NKTR: variants seen among roughly 807,000 people sequenced by gnomAD.
NKTR encodes NK-tumor recognition protein.
NKTR carries 67 observed loss-of-function variants against 156.3 expected under a neutral mutation model. The ratio of observed to expected loss-of-function variants is 0.43; its 90% confidence interval spans 0.35 to 0.53. The LOEUF (loss-of-function observed/expected upper bound fraction) is 0.53. NKTR is among the 20% of genes least tolerant of loss of function. The pLI, the probability that NKTR is intolerant of heterozygous loss-of-function variation, is 0.01. For missense variants in NKTR, 1,604 were observed against 1,730.9 expected, an observed-to-expected ratio of 0.93 and a Z score of 1.30; for synonymous variants, 640 against 596.6, an observed-to-expected ratio of 1.07 and a Z score of -1.06.
chr3:42,631,096 TAC>T lies in NKTR; in HGVS notation c.405-73_405-72del, dbSNP rs1318712954. 17 of 1,561,840 alleles carry T rather than the reference TAC, an allele frequency of 1.1e-5. No individual in the cohort carries two copies. The East Asian group carries it at 3.8e-4, about 35-fold the overall frequency. On this transcript the variant is annotated intron_variant, in intron 7 of 16. Coordinates refer to ENST00000232978, the MANE Select transcript of NKTR (RefSeq NM_005385.4). ...TCAGGTCTGTGGACATGTCATTGAT[TAC>T]AGTTAATTGTCTTGATTACTGTTTA...
chr3:42,633,522 C>T (rs567849187), intron 9 of NKTR, 58 bp from the exon 10 acceptor site: 23 of 1,562,640 alleles, frequency 1.5e-5, no homozygotes, highest in Non-Finnish European at 1.7e-5. Flanking sequence ...ATTTTATGTG[C>T]TTTTATTATG....
rs1278491051 is a variant in NKTR at position 42,616,114 on chromosome 3, AC to A, written c.59-1455del. Among the ~76,000 whole-genome samples, 3 of 152,230 alleles carry A rather than the reference AC, an allele frequency of 2.0e-5. No individual in the cohort carries two copies. The East Asian group carries it at 5.8e-4, about 29-fold the overall frequency. On this transcript the variant is annotated intron_variant, in intron 2 of 16. Coordinates refer to ENST00000232978, the MANE Select transcript of NKTR (RefSeq NM_005385.4). ...AATGCAGTATCATTGTTTCCTCCTCACAGGAACTGACCGATATGGCCAGGAA... is the reference window on the plus strand; with the variant it reads ...AATGCAGTATCATTGTTTCCTCCTCAAGGAACTGACCGATATGGCCAGGAA...
At chr3:42,615,545 G>T (rs1707277614) in intron 2 of NKTR, among the ~76,000 whole-genome samples, 1 of 151,980 alleles carries the variant, frequency 6.6e-6, no homozygotes, top group African/African-American at 2.4e-5. Flanking sequence ...TTGAAACTTT[G>T]AACAGCTTTC....
intron 6 of NKTR, chr3:42,629,422 A>G: frequency 1.1e-6 from 1 of 944,766 alleles, no homozygotes; most frequent in Non-Finnish European, 1.3e-6. Context: ...TCTTAATGTA[A>G]GTATAAGCAT....
chr3:42,637,253 GACTCAT>G lies in NKTR; in HGVS notation c.1552_1557del (p.Ser518_Tyr519del), dbSNP rs1300895718. 1 of 1,613,436 alleles carries G rather than the reference GACTCAT, an allele frequency of 6.2e-7. No individual in the cohort carries two copies. The highest frequency in any genetic ancestry group is 1.3e-5 in the African/African-American group (1 of 74,964). On this transcript the variant is annotated inframe_deletion, in exon 13 of 17. Transcript: ENST00000232978. ...GAGCTCTTTAACCCATTCCAGCAGA[GACTCAT>G]ACAGATCAAAATCTCACTCACAGTC...
Position 42,646,559 on chromosome 3 carries a change from C to T in NKTR, c.*584C>T, listed in dbSNP as rs2125830915. The T allele has an allele frequency of 6.5e-6, 1 of 152,992 alleles. No homozygotes were observed. Among genetic ancestry groups the T allele is most frequent in the South Asian group, 2.1e-4 (1 of 4,834 alleles). 9.5% of individuals were successfully genotyped at this position (152,992 alleles called of 1,614,324 possible). On this transcript the variant is annotated 3_prime_UTR_variant, in exon 17 of 17. Coordinates refer to ENST00000232978, the MANE Select transcript of NKTR (RefSeq NM_005385.4). ...GATTAGGAAAGTGGTCATCATACATCCCACACAGTCTGTATTACTTCAGGC... is the reference window on the plus strand; with the variant it reads ...GATTAGGAAAGTGGTCATCATACATTCCACACAGTCTGTATTACTTCAGGC...
intron 2 of NKTR, among the ~76,000 whole-genome samples, chr3:42,608,640 A>T (rs187670189): frequency 3.5e-4 from 54 of 152,186 alleles, no homozygotes; most frequent in Admixed American, 5.9e-4. Context: ...TCAATTATTA[A>T]CTGAATCTCC....
intron 6 of NKTR, among the ~76,000 whole-genome samples, chr3:42,625,345 A>C (rs1708275859): frequency 6.6e-6 from 1 of 152,148 alleles, no homozygotes; most frequent in Admixed American, 6.6e-5. Flanking sequence ...AATGTAAGAA[A>C]ACAAGATAAT....
chr3:42,631,554 G>A (rs934300940), intron 8 of NKTR, among the ~76,000 whole-genome samples: 3 of 152,134 alleles, frequency 2.0e-5, no homozygotes, highest in Non-Finnish European at 2.9e-5. Context: ...CCGTAGCGTC[G>A]TAACTGTTTA....
intron 2 of NKTR, among the ~76,000 whole-genome samples, chr3:42,608,890 C>T (rs1706495396): frequency 6.6e-6 from 1 of 152,040 alleles, no homozygotes; most frequent in South Asian, 2.1e-4. Flanking sequence ...CTTTGGGAGG[C>T]CGAGGCAGGC....
intron 9 of NKTR, 67 bp from the exon 10 acceptor site, chr3:42,633,513 T>C: frequency 6.4e-7 from 1 of 1,555,782 alleles, no homozygotes; most frequent in Non-Finnish European, 8.7e-7. Context: ...TAGTAACTAA[T>C]TTTATGTGCT....
chr3:42,630,478 C>T lies in NKTR; in HGVS notation c.375-68C>T, dbSNP rs372137910. 1.1e-3 allele frequency: 1,733 copies of T among 1,604,500 alleles called. 1 individual carries two copies. Among genetic ancestry groups the T allele is most frequent in the Non-Finnish European group, 1.3e-3 (1,556 of 1,176,000 alleles). On this transcript the variant is annotated intron_variant, in intron 6 of 16. Coordinates refer to ENST00000232978, the MANE Select transcript of NKTR (RefSeq NM_005385.4). Reference sequence around the variant, plus strand: ...TTGTTCTCTACATGCTGTGTTTAAACCTTTCTGCTCTCTTCACCTGAACAC... The same window carrying T: ...TTGTTCTCTACATGCTGTGTTTAAATCTTTCTGCTCTCTTCACCTGAACAC...
At position 42,646,426 on chromosome 3, in the gene NKTR, T is replaced by C. The variant is rs558302681; in HGVS notation, c.*451T>C. 1.3e-5 allele frequency: 2 copies of C among 156,708 alleles called. No homozygotes were observed. The highest frequency in any genetic ancestry group is 2.4e-5 in the African/African-American group (1 of 41,604). The allele number at this position is 156,708 out of a possible 1,614,324, so 9.7% of individuals were successfully genotyped here. A position where few individuals can be genotyped will look rare whatever the true frequency, so the allele number is the denominator to read the frequency against. On this transcript the variant is annotated 3_prime_UTR_variant, in exon 17 of 17. Transcript: ENST00000232978. ...CTGATTACATAGAGTCTTGTACATA[T>C]GTGCTCTAAAAACAAACCACCCAGA...
chr3:42,624,744 G>A (rs960277556), intron 6 of NKTR, among the ~76,000 whole-genome samples: 1 of 152,004 alleles, frequency 6.6e-6, no homozygotes. Flanking sequence ...TTTTAGTTAA[G>A]GATTAGAAGC....
chr3:42,633,865 T>G, intron 10 of NKTR, 130 bp downstream of exon 10: 1 of 972,796 alleles, frequency 1.0e-6, no homozygotes, highest in Non-Finnish European at 1.6e-6. Flanking sequence ...TATGGGAGTA[T>G]TAGATTAATG....
In NKTR at chr3:42,600,980, C is replaced by G; in HGVS notation, c.-23-4C>G. 1 of 1,533,898 alleles carries G rather than the reference C, an allele frequency of 6.5e-7. No homozygotes were observed. The highest frequency in any genetic ancestry group is 8.8e-7 in the Non-Finnish European group (1 of 1,140,078). On this transcript the variant is annotated splice_polypyrimidine_tract_variant and splice_region_variant and intron_variant, in intron 1 of 16. Coordinates refer to ENST00000232978, the MANE Select transcript of NKTR (RefSeq NM_005385.4). ...CTGACCGCTTTTCTCCCCCTCTCTC[C>G]CAGCTCTTGCCGCCACCTCGGTCGC...
rs1010775482 is a variant in NKTR, at chr3:42,638,946, A to G, written c.3242A>G (p.Gln1081Arg). The G allele has an allele frequency of 6.2e-7, 1 of 1,613,512 alleles. No individual in the cohort carries two copies. The highest frequency in any genetic ancestry group is 1.7e-5 in the Admixed American group (1 of 59,986). ...DTVTVSSDLD[Q>R]FTKDDSKLSI... ...GTGACTGTTTCATCAGATCTTGATCAGTTTACTAAAGATGATAGTAAACTC... is the reference window on the plus strand; with the variant it reads ...GTGACTGTTTCATCAGATCTTGATCGGTTTACTAAAGATGATAGTAAACTC... Residue 1081 changes from glutamine (Q) to arginine (R), a missense_variant, in exon 13 of 17, where the codon CAG (glutamine) becomes CGG (arginine). Around this residue, in one of 6 missense-constraint regions of NKTR, gnomAD observed 1,255 missense variants for 1,243.7 expected, o/e 1.01. Coordinates refer to ENST00000232978, the MANE Select transcript of NKTR (RefSeq NM_005385.4).
intron 3 of NKTR, among the ~76,000 whole-genome samples, chr3:42,618,745 C>T (rs1214035023): frequency 6.6e-6 from 1 of 152,150 alleles, no homozygotes; most frequent in Non-Finnish European, 1.5e-5. Flanking sequence ...CGCCTGACCT[C>T]ATTCTTTGAC....
intron 6 of NKTR, among the ~76,000 whole-genome samples, chr3:42,626,284 T>C (rs1708380921): frequency 6.6e-6 from 1 of 152,140 alleles, no homozygotes; most frequent in South Asian, 2.1e-4. Flanking sequence ...TTTTTAAATA[T>C]TTCAAGATTT....
Sources: gnomAD v4.1 joint callset for allele counts (sites outside exome capture counted in the v4.1 genomes callset) on GRCh38, gnomAD v4.1.1 for gene constraint, gnomAD v4.1.1 regional missense constraint, MANE v1.5 for transcripts, NCBI Gene and HGNC (gene_info 2026-07-23, HGNC 2026-07-21) for gene names.